WWOX: variants seen among roughly 807,000 people sequenced by gnomAD.
The protein encoded by WWOX is WW domain containing oxidoreductase.
In WWOX, 69 loss-of-function variants were observed where a neutral mutation model predicts 46.2. The ratio of observed to expected loss-of-function variants is 1.49; its 90% CI spans 1.23 to 1.82. The LOEUF is 1.82. Among genes scored for constraint, WWOX ranks in the 40% most tolerant of loss-of-function variants. The pLI, the probability that WWOX is intolerant of heterozygous loss-of-function variation, is 0.00. For missense variants in WWOX, 919 were observed against 542.6 expected (o/e 1.69, Z -6.89); for synonymous variants, 359 against 202.6 (o/e 1.77, Z -6.56).
intron 8 of WWOX, among the ~76,000 whole-genome samples, chr16:78,936,290 G>A (rs536579370): frequency 6.6e-6 from 1 of 152,170 alleles, no homozygotes; most frequent in Non-Finnish European, 1.5e-5. Flanking sequence ...CAGAGCTTAA[G>A]ATGGCTGCGT....
intron 8 of WWOX, among the ~76,000 whole-genome samples, chr16:78,823,575 A>T (rs565952270): frequency 1.3e-5 from 2 of 152,290 alleles, no homozygotes; most frequent in African/African-American, 4.8e-5. Flanking sequence ...AATGTTTAAT[A>T]AAGGCTTCAT....
rs150347467 is a variant in WWOX, at chr16:78,844,864, C to G, written c.1057-366744C>G. 8.3e-3 allele frequency among the ~76,000 whole-genome samples: 1,268 copies of G among 152,274 alleles called. 25 individuals carry two copies. Among genetic ancestry groups the G allele is most frequent in the African/African-American group, 0.029 (1,208 of 41,548 alleles). The stretch of plus-strand genomic sequence containing the variant: ...GACCCAGTGACCTTGCTCTAGCTCA[C>G]CAGGGACTGAGCATACACCAAAGTG... On this transcript the variant is annotated intron_variant, in intron 8 of 8. Coordinates refer to ENST00000566780, the MANE Select transcript of WWOX (RefSeq NM_016373.4).
intron 8 of WWOX, among the ~76,000 whole-genome samples, chr16:78,990,911 AAG>A (rs1339162259): frequency 6.6e-6 from 1 of 152,222 alleles, no homozygotes; most frequent in Non-Finnish European, 1.5e-5. Context: ...TTTTTCCCTT[AAG>A]AGAGAGGTGT....
intron 8 of WWOX, among the ~76,000 whole-genome samples, chr16:78,583,329 C>A (rs977650144): frequency 6.6e-6 from 1 of 152,164 alleles, no homozygotes; most frequent in Admixed American, 6.5e-5. Context: ...TTGGCACTTC[C>A]AGAGTAATTC....
rs376611489 is a variant in WWOX at position 78,973,810 on chromosome 16, A to G, written c.1057-237798A>G. On this transcript the variant is annotated intron_variant, in intron 8 of 8. Transcript: ENST00000566780. ...GCTGATATGCGGGCAGGGGTTCGGGAGTGGGGGCACCAGGGCTCATGAGCC... is the reference window on the plus strand; with the variant it reads ...GCTGATATGCGGGCAGGGGTTCGGGGGTGGGGGCACCAGGGCTCATGAGCC... 1.8e-3 allele frequency among the ~76,000 whole-genome samples: 277 copies of G among 152,344 alleles called. 3 individuals carry two copies. The highest frequency in any genetic ancestry group is 6.1e-3 in the African/African-American group (254 of 41,590).
chr16:79,118,001 C>G (rs1161334806), intron 8 of WWOX, among the ~76,000 whole-genome samples: 1 of 152,262 alleles, frequency 6.6e-6, no homozygotes, highest in Non-Finnish European at 1.5e-5. Context: ...TAGAATAGCA[C>G]TTTTAATTTC....
At chr16:79,091,326 G>A (rs1467752461) in intron 8 of WWOX, among the ~76,000 whole-genome samples, 1 of 151,778 alleles carries the variant, frequency 6.6e-6, no homozygotes, top group Non-Finnish European at 1.5e-5. Flanking sequence ...TGATCCCAGT[G>A]CATGAAATTT....
chr16:79,132,127 A>AAC (rs141785224), intron 8 of WWOX, among the ~76,000 whole-genome samples: 8,535 of 141,482 alleles, frequency 0.06, 277 homozygotes, highest in Admixed American at 0.089. Context: ...CACTTGCAGA[A>AAC]ACACACACAC....
chr16:78,590,626 A>G (rs1187993074), intron 8 of WWOX, among the ~76,000 whole-genome samples: 1 of 150,936 alleles, frequency 6.6e-6, no homozygotes, highest in African/African-American at 2.4e-5. Context: ...GTTAAGGCAG[A>G]TGGAAATGTC....
chr16:78,508,217 G>T (rs1336128969), intron 8 of WWOX, among the ~76,000 whole-genome samples: 2 of 151,586 alleles, frequency 1.3e-5, no homozygotes, highest in African/African-American at 2.4e-5. Context: ...CGCCATGTTG[G>T]CCGGGCTGGT....
chr16:78,417,114 C>T (rs72628250), intron 6 of WWOX, among the ~76,000 whole-genome samples: 5,653 of 151,492 alleles, frequency 0.037, 224 homozygotes, highest in East Asian at 0.17. Context: ...CCTCAGTTGC[C>T]CAGGCTGGAG....
rs540304223 is a variant in WWOX at position 78,632,687 on chromosome 16, T to G, written c.1056+199935T>G. ...GATTCTCCTGCCTCAGCCTCTCGAA[T>G]AGCTGGGATTACAGGTGTGCGCCAC... is the stretch of plus-strand genomic sequence containing the variant. On this transcript the variant is annotated intron_variant, in intron 8 of 8. Transcript: ENST00000566780. Among the ~76,000 whole-genome samples, 12 of 150,064 alleles carry G rather than the reference T, an allele frequency of 8.0e-5. No individual in the cohort carries two copies. The South Asian group carries it at 2.6e-3, about 33-fold the overall frequency.
intron 8 of WWOX, among the ~76,000 whole-genome samples, chr16:78,461,280 G>A (rs575466694): frequency 6.6e-5 from 10 of 152,194 alleles, no homozygotes; most frequent in African/African-American, 2.2e-4. Flanking sequence ...GCCCCTCCCA[G>A]CATTCTGAGT....
At position 78,413,287 on chromosome 16, in the gene WWOX, G is replaced by C. The variant is rs552895346; in HGVS notation, c.606-11583G>C. On this transcript the variant is annotated intron_variant, in intron 6 of 8. Transcript: ENST00000566780. ...AGTGCTGATTGTCTCACGTGTCCAT[G>C]TGAAGAGACCACCAAACAGGGTTTG... Among the ~76,000 whole-genome samples, 14 of 152,290 alleles carry C rather than the reference G, an allele frequency of 9.2e-5. No individual in the cohort carries two copies. In the East Asian group the frequency reaches 1.7e-3, roughly 19 times the overall value.
intron 5 of WWOX, among the ~76,000 whole-genome samples, chr16:78,221,949 C>T (rs2036903415): frequency 1.3e-5 from 2 of 152,254 alleles, no homozygotes; most frequent in Admixed American, 6.5e-5. Context: ...TTACTGCTGC[C>T]TCTGTCTTCC....
intron 8 of WWOX, among the ~76,000 whole-genome samples, chr16:78,711,831 G>A (rs1387163821): frequency 9.2e-5 from 14 of 152,256 alleles, no homozygotes; most frequent in Non-Finnish European, 1.6e-4. Context: ...GTAAATGCAC[G>A]AGTATTGATC....
At chr16:78,709,114 C>T (rs972622183) in intron 8 of WWOX, among the ~76,000 whole-genome samples, 1 of 152,104 alleles carries the variant, frequency 6.6e-6, no homozygotes, top group Non-Finnish European at 1.5e-5. Context: ...TTTGAAGTTC[C>T]CTACTCTCCT....
chr16:78,936,492 C>G (rs2045740317), intron 8 of WWOX, among the ~76,000 whole-genome samples: 1 of 152,116 alleles, frequency 6.6e-6, no homozygotes, highest in South Asian at 2.1e-4. Flanking sequence ...TGCTTGCTAG[C>G]AAGCAGCTGA....
At chr16:79,156,622 A>G (rs370869736) in intron 8 of WWOX, among the ~76,000 whole-genome samples, 8 of 152,310 alleles carry the variant, frequency 5.3e-5, no homozygotes, top group Admixed American at 3.3e-4. Context: ...AAAATTGTGA[A>G]GCACACACAG....
Sources: gnomAD v4.1 joint callset for allele counts (sites outside exome capture counted in the v4.1 genomes callset) on GRCh38, gnomAD v4.1.1 for gene constraint, MANE v1.5 for transcripts, NCBI Gene and HGNC (gene_info 2026-07-23, HGNC 2026-07-21) for gene names.